RGSL1: variants seen among roughly 807,000 people sequenced by gnomAD.
RGSL1 encodes regulator of G protein signaling protein-like.
In RGSL1, 97 loss-of-function variants were observed where a neutral mutation model predicts 124.7. That is an observed-to-expected ratio of 0.78 (90% CI 0.66 to 0.92). RGSL1 has a LOEUF of 0.92. RGSL1 is among the 40% of genes least tolerant of loss of function. The pLI is 0.00. For missense variants in RGSL1, 1,233 were observed against 1,288.4 expected, an observed-to-expected ratio of 0.96 and a Z score of 0.66; for synonymous variants, 424 against 438.1, an observed-to-expected ratio of 0.97 and a Z score of 0.40.
In RGSL1 at chr1:182,527,737, TA is replaced by T; in HGVS notation, c.2092del (p.Ile698SerfsTer37). 2 of 1,550,918 alleles carry T rather than the reference TA, an allele frequency of 1.3e-6. No homozygotes were observed. The highest frequency in any genetic ancestry group is 1.7e-6 in the Non-Finnish European group (2 of 1,146,582). On this transcript the variant is annotated frameshift_variant, in exon 11 of 22. Transcript: ENST00000294854. LOFTEE classifies it high-confidence loss of function. ...EKICKSLIEN[V>X]IKTFFQGQLS... ...ATTTGCAAGTCTCTCATAGAAAATG[TA>T]ATCAAGACTTTCTTCCAAGGCCAAC...
chr1:182,464,362 C>T (rs1328080544), intron 4 of RGSL1, among the ~76,000 whole-genome samples: 3 of 152,066 alleles, frequency 2.0e-5, no homozygotes, highest in East Asian at 1.9e-4. Context: ...TAGAGAAAAT[C>T]AGTGAGATCA....
At chr1:182,523,131 G>A (rs1215984054) in intron 10 of RGSL1, among the ~76,000 whole-genome samples, 4 of 151,440 alleles carry the variant, frequency 2.6e-5, no homozygotes, top group African/African-American at 9.7e-5. Flanking sequence ...GACCTCCCTA[G>A]GCTCAAGTGA....
At chr1:182,554,456 A>T (rs266547) in intron 19 of RGSL1, among the ~76,000 whole-genome samples, 171 bp from the exon 20 acceptor site, 1 of 151,944 alleles carries the variant, frequency 6.6e-6, no homozygotes, top group African/African-American at 2.4e-5. Context: ...GCATAGAAAC[A>T]AGGTCTCCTG....
chr1:182,512,376 C>T (rs989891731), intron 9 of RGSL1, among the ~76,000 whole-genome samples: 18 of 152,240 alleles, frequency 1.2e-4, no homozygotes, highest in Non-Finnish European at 1.8e-4. Flanking sequence ...TCCATCCCCC[C>T]ACTTTCAGTC....
chr1:182,530,172 A>C, intron 11 of RGSL1, 72 bp from the exon 12 acceptor site: 2 of 1,195,744 alleles, frequency 1.7e-6, no homozygotes, highest in South Asian at 1.4e-5. Context: ...AAAAAAAAAA[A>C]CAAAAAACCA....
At chr1:182,502,839 G>A (rs1037292245) in intron 9 of RGSL1, among the ~76,000 whole-genome samples, 17 of 152,064 alleles carry the variant, frequency 1.1e-4, no homozygotes, top group African/African-American at 3.9e-4. Flanking sequence ...TGTTTTCACT[G>A]CATCCCATAG....
At position 182,492,944 on chromosome 1, in the gene RGSL1, C is replaced by A. The variant is rs1041765354; in HGVS notation, c.1718-78C>A. ...GCGCCCAGCATTTTAAAGGCAATAC[C>A]TTCAACAAAAGTATATGAATCTTTG... On this transcript the variant is annotated intron_variant, in intron 8 of 21. Transcript: ENST00000294854. The A allele has an allele frequency of 5.9e-6, 6 of 1,011,240 alleles. No individual in the cohort carries two copies. In the African/African-American group the frequency reaches 9.7e-5, roughly 16 times the overall value. The allele number at this position is 1,011,240 out of a possible 1,614,324, so 62.6% of individuals were successfully genotyped here. A position where few individuals can be genotyped will look rare whatever the true frequency, so the allele number is the denominator to read the frequency against.
At chr1:182,472,292 C>A (rs890867735) in intron 4 of RGSL1, 104 bp from the exon 5 acceptor site, 2 of 1,022,270 alleles carry the variant, frequency 2.0e-6, no homozygotes, top group African/African-American at 3.2e-5. Flanking sequence ...ATGATTGATG[C>A]AGTGGAACAG....
chr1:182,493,314 C>A (rs1655670766), intron 9 of RGSL1, among the ~76,000 whole-genome samples, 185 bp downstream of exon 9: 1 of 152,076 alleles, frequency 6.6e-6, no homozygotes, highest in Admixed American at 6.6e-5. Context: ...AGAAGAGCAT[C>A]ATGAAAATAA....
At chr1:182,520,181 C>A (rs141382389) in intron 9 of RGSL1, among the ~76,000 whole-genome samples, 1 of 152,314 alleles carries the variant, frequency 6.6e-6, no homozygotes, top group African/African-American at 2.4e-5. Flanking sequence ...CTGACATACA[C>A]TAAACTAGTA....
intron 18 of RGSL1, among the ~76,000 whole-genome samples, chr1:182,552,019 A>T (rs1448913322): frequency 6.6e-6 from 1 of 152,176 alleles, no homozygotes; most frequent in African/African-American, 2.4e-5. Context: ...GTGTAAGTAC[A>T]TTCTATGATA....
chr1:182,454,310 A>G (rs1652098355), intron 2 of RGSL1, among the ~76,000 whole-genome samples: 1 of 151,800 alleles, frequency 6.6e-6, no homozygotes, highest in African/African-American at 2.4e-5. Flanking sequence ...TTCTCATCAT[A>G]CCCTCTGCTG....
rs1176889429 is a variant in RGSL1, at chr1:182,530,775, A to T, written c.2244-15A>T. On this transcript the variant is annotated splice_polypyrimidine_tract_variant and intron_variant, in intron 12 of 21. Coordinates refer to ENST00000294854, the MANE Select transcript of RGSL1 (RefSeq NM_001137669.2). ...GTTTTTGCCCTGTTTGATATTACTG[A>T]TGTCCTTCTGACAGGTTTAAAGATT... 1.6e-5 allele frequency: 25 copies of T among 1,517,446 alleles called. No homozygotes were observed. The Admixed American group carries it at 5.8e-4, about 35-fold the overall frequency. The allele number at this position is 1,517,446 out of a possible 1,614,324, so 94.0% of individuals were successfully genotyped here. A position where few individuals can be genotyped will look rare whatever the true frequency, so the allele number is the denominator to read the frequency against.
intron 8 of RGSL1, among the ~76,000 whole-genome samples, chr1:182,490,157 A>G (rs1006358578): frequency 2.0e-5 from 3 of 152,186 alleles, no homozygotes; most frequent in Non-Finnish European, 4.4e-5. Context: ...CAATGTCACC[A>G]TTTATTTTTT....
At chr1:182,454,413 C>G (rs1177162736) in intron 2 of RGSL1, among the ~76,000 whole-genome samples, 1 of 152,168 alleles carries the variant, frequency 6.6e-6, no homozygotes, top group Non-Finnish European at 1.5e-5. Context: ...TGTCTGTTTT[C>G]TGCCAGGAAT....
chr1:182,542,337 G>A (rs1017624286), intron 15 of RGSL1, among the ~76,000 whole-genome samples: 14 of 152,042 alleles, frequency 9.2e-5, no homozygotes, highest in African/African-American at 3.1e-4. Flanking sequence ...CCCCCATTGC[G>A]CATTCTTGCC....
chr1:182,464,243 C>A (rs1653084060), intron 4 of RGSL1, among the ~76,000 whole-genome samples: 1 of 152,022 alleles, frequency 6.6e-6, no homozygotes, highest in African/African-American at 2.4e-5. Context: ...AAAGAAAAAT[C>A]TCAAATAACA....
At chr1:182,471,570 C>T (rs1400204816) in intron 4 of RGSL1, among the ~76,000 whole-genome samples, 1 of 152,092 alleles carries the variant, frequency 6.6e-6, no homozygotes, top group East Asian at 1.9e-4. Context: ...TAGTCAGAGT[C>T]CCTTTTACTC....
At chr1:182,536,586 AT>A (rs767600824) in intron 14 of RGSL1, among the ~76,000 whole-genome samples, 2 of 152,198 alleles carry the variant, frequency 1.3e-5, no homozygotes, top group Non-Finnish European at 2.9e-5. Flanking sequence ...TGCTTGACAT[AT>A]TAGTCCATTT....
Sources: allele counts gnomAD v4.1 joint callset (sites outside exome capture counted in the v4.1 genomes callset), GRCh38; gene constraint gnomAD v4.1.1; transcripts MANE v1.5; gene names NCBI Gene and HGNC (gene_info 2026-07-23, HGNC 2026-07-21).